The following AAK1 variants were observed in gnomAD, a reference collection of about 807,000 sequenced individuals.
The protein encoded by AAK1 is AP2-associated protein kinase 1.
AAK1 carries 37 observed loss-of-function variants against 116.0 expected under a neutral mutation model. The ratio of observed to expected loss-of-function variants is 0.32; its 90% confidence interval spans 0.25 to 0.42. The LOEUF (loss-of-function observed/expected upper bound fraction) is 0.42, where lower values mean the gene tolerates loss of function less well. Ranked by LOEUF, AAK1 falls within the 10% of genes least tolerant of loss-of-function variation. The pLI is 1.00. For missense variants in AAK1, 919 were observed against 1,170.6 expected (o/e 0.79, Z 3.14); for synonymous variants, 458 against 439.9 (o/e 1.04, Z -0.51).
rs545412199 is a variant in AAK1 at position 69,466,084 on chromosome 2, T to C, written c.*9785A>G. 460 of 1,290,892 alleles carry C rather than the reference T, an allele frequency of 3.6e-4. No individual in the cohort carries two copies. Among genetic ancestry groups the C allele is most frequent in the Non-Finnish European group, 2.1e-4 (206 of 988,864 alleles). 80.0% of individuals were successfully genotyped at this position (1,290,892 alleles called of 1,614,324 possible). The stretch of plus-strand genomic sequence containing the variant: ...TTGGAGAAAATGTCCATGTCATCAT[T>C]TGGAACCCTTGAGCTCCTGAAGGGA... On this transcript the variant is annotated 3_prime_UTR_variant, in exon 22 of 22. Transcript: ENST00000409085.
intron 2 of AAK1, among the ~76,000 whole-genome samples, chr2:69,592,440 G>A (rs917584804): frequency 5.3e-5 from 8 of 151,984 alleles, no homozygotes; most frequent in South Asian, 2.1e-4. Flanking sequence ...CCACAACAGC[G>A]GTCTATTCAA....
chr2:69,496,118 GA>G (rs1558909503), intron 16 of AAK1, 38 bp from the exon 17 acceptor site: 4 of 1,433,884 alleles, frequency 2.8e-6, no homozygotes, highest in Non-Finnish European at 3.8e-6. Context: ...AGTCAGGAGA[GA>G]AAAAAAGAGA....
At chr2:69,507,338 T>TAA in intron 15 of AAK1, 83 bp downstream of exon 15, 2 of 1,500,732 alleles carry the variant, frequency 1.3e-6, no homozygotes, top group Non-Finnish European at 1.8e-6. Context: ...CTTCTAGAGT[T>TAA]ACGATTCTTT....
chr2:69,643,344 G>A lies in AAK1; in HGVS notation c.-234-70C>T, dbSNP rs373862558. 2.3e-5 allele frequency: 28 copies of A among 1,237,944 alleles called. 1 individual carries two copies. In the Admixed American group the frequency reaches 1.0e-3, roughly 44 times the overall value. 76.7% of individuals were successfully genotyped at this position (1,237,944 alleles called of 1,614,324 possible). On this transcript the variant is annotated intron_variant, in intron 1 of 21. Coordinates refer to ENST00000409085, the MANE Select transcript of AAK1 (RefSeq NM_014911.5). ...TTAAAAATTCAACCGCTGAGTCCTA[G>A]GGGGAGCAAAAGCCATCATCCTGGG...
chr2:69,519,197 T>C lies in AAK1; in HGVS notation c.1254A>G (p.Pro418=). The C allele has an allele frequency of 6.3e-7, 1 of 1,588,568 alleles. No homozygotes were observed. Among genetic ancestry groups the C allele is most frequent in the Non-Finnish European group, 8.6e-7 (1 of 1,167,706 alleles). Residue 418 remains proline (P), a synonymous_variant, in exon 12 of 22, where the codon CCA becomes CCG. Transcript: ENST00000409085. The part of the protein sequence containing the change: ...QPGLLASVPQ[P]KPQAPPSQPL... ...GCTGGCTGGGTGGGGCTTGGGGTTTTGGTTGGGGAACACTGGCTAAAAGGC... is the reference window on the plus strand; with the variant it reads ...GCTGGCTGGGTGGGGCTTGGGGTTTCGGTTGGGGAACACTGGCTAAAAGGC...
intron 2 of AAK1, among the ~76,000 whole-genome samples, chr2:69,576,614 C>T (rs1189885676): frequency 6.6e-6 from 1 of 152,124 alleles, no homozygotes; most frequent in Non-Finnish European, 1.5e-5. Context: ...TCTGTTCCTG[C>T]ATTAGTTTTA....
chr2:69,599,458 C>T (rs1357280911), intron 2 of AAK1, among the ~76,000 whole-genome samples: 1 of 150,534 alleles, frequency 6.6e-6, no homozygotes, highest in African/African-American at 2.4e-5. Flanking sequence ...GAAGATCCTT[C>T]ACGATGTTGC....
intron 12 of AAK1, among the ~76,000 whole-genome samples, chr2:69,515,692 A>T (rs1191146002): frequency 6.6e-6 from 1 of 152,180 alleles, no homozygotes; most frequent in Non-Finnish European, 1.5e-5. Flanking sequence ...ACACAAACAG[A>T]GCTCAAAATA....
intron 2 of AAK1, among the ~76,000 whole-genome samples, chr2:69,564,379 A>G (rs2105102745): frequency 6.6e-6 from 1 of 152,150 alleles, no homozygotes; most frequent in East Asian, 1.9e-4. Flanking sequence ...CCTTCAAAGT[A>G]GCTCTACTTT....
At chr2:69,533,679 T>G (rs1670349362) in intron 5 of AAK1, among the ~76,000 whole-genome samples, 1 of 152,208 alleles carries the variant, frequency 6.6e-6, no homozygotes, top group Admixed American at 6.6e-5. Flanking sequence ...GATCTGGGTT[T>G]AAAGTCTATT....
At chr2:69,640,422 T>C (rs1345623612) in intron 2 of AAK1, among the ~76,000 whole-genome samples, 1 of 152,138 alleles carries the variant, frequency 6.6e-6, no homozygotes, top group Non-Finnish European at 1.5e-5. Flanking sequence ...AAAGAACAGA[T>C]CCAGAATTTG....
At position 69,465,735 on chromosome 2, in the gene AAK1, T is replaced by A. The variant is rs1227576056; in HGVS notation, c.*10134A>T. The A allele has an allele frequency of 7.7e-7, 1 of 1,290,890 alleles. No homozygotes were observed. Among genetic ancestry groups the A allele is most frequent in the South Asian group, 1.2e-5 (1 of 81,024 alleles). The allele number at this position is 1,290,890 out of a possible 1,614,324, so 80.0% of individuals were successfully genotyped here. A position where few individuals can be genotyped will look rare whatever the true frequency, so the allele number is the denominator to read the frequency against. ...TCTGTCATTAGAATGACCCCCAGAT[T>A]CCAGGCAGGATCCCCTGGGAGAGAT... On this transcript the variant is annotated 3_prime_UTR_variant, in exon 22 of 22. Coordinates refer to ENST00000409085, the MANE Select transcript of AAK1 (RefSeq NM_014911.5).
chr2:69,556,373 A>G (rs1201829237), intron 3 of AAK1, among the ~76,000 whole-genome samples: 1 of 152,182 alleles, frequency 6.6e-6, no homozygotes. Flanking sequence ...CTAGGTTTCC[A>G]GGCCAAAAAA....
At chr2:69,538,032 C>T (rs1227676590) in intron 5 of AAK1, among the ~76,000 whole-genome samples, 1 of 152,220 alleles carries the variant, frequency 6.6e-6, no homozygotes, top group Non-Finnish European at 1.5e-5. Flanking sequence ...AATCAGCTCT[C>T]CTTATCTGCA....
intron 12 of AAK1, among the ~76,000 whole-genome samples, chr2:69,518,449 T>C (rs13397599): frequency 0.2 from 29,169 of 148,912 alleles, 4,114 homozygotes; most frequent in African/African-American, 0.38. Context: ...GACAGAGTCT[T>C]GCTCTTGTTG....
intron 18 of AAK1, chr2:69,481,741 T>TA (rs1423801065): frequency 6.6e-6 from 1 of 152,194 alleles, no homozygotes; most frequent in Non-Finnish European, 1.5e-5. Flanking sequence ...GGATTCTATT[T>TA]ATGGGGCTTA....
chr2:69,462,076 A>C lies in AAK1; in HGVS notation c.*13793T>G, dbSNP rs1674354089. 1 of 152,296 alleles carries C rather than the reference A, an allele frequency of 6.6e-6. No homozygotes were observed. The highest frequency in any genetic ancestry group is 1.5e-5 in the Non-Finnish European group (1 of 68,234). 9.4% of individuals were successfully genotyped at this position (152,296 alleles called of 1,614,324 possible). A position where few individuals can be genotyped will look rare whatever the true frequency, so the allele number is the denominator to read the frequency against. On this transcript the variant is annotated 3_prime_UTR_variant, in exon 22 of 22. Coordinates refer to ENST00000409085, the MANE Select transcript of AAK1 (RefSeq NM_014911.5). ...TGGGCTGTTACAGAGATAATCCTGAATATTTGGAAAGGGGAATTAGAATGA... is the reference window on the plus strand; with the variant it reads ...TGGGCTGTTACAGAGATAATCCTGACTATTTGGAAAGGGGAATTAGAATGA...
At chr2:69,558,116 G>C (rs1002845754) in intron 2 of AAK1, among the ~76,000 whole-genome samples, 1 of 152,142 alleles carries the variant, frequency 6.6e-6, no homozygotes, top group African/African-American at 2.4e-5. Context: ...GCTGAAGCAG[G>C]CAGATCGCTT....
Position 69,470,951 on chromosome 2 carries a change from C to G in AAK1, c.*4918G>C. The G allele has an allele frequency of 1.0e-6, 1 of 985,840 alleles. No individual in the cohort carries two copies. Among genetic ancestry groups the G allele is most frequent in the Non-Finnish European group, 1.2e-6 (1 of 829,916 alleles). The allele number at this position is 985,840 out of a possible 1,614,324, so 61.1% of individuals were successfully genotyped here. On this transcript the variant is annotated 3_prime_UTR_variant, in exon 22 of 22. Coordinates refer to ENST00000409085, the MANE Select transcript of AAK1 (RefSeq NM_014911.5). ...TGAACAGATAAAAGTCTTTATTCCC[C>G]TGTATGTTTACATAAGAAAGTTCTT...
Sources: allele counts gnomAD v4.1 joint callset (sites outside exome capture counted in the v4.1 genomes callset), GRCh38; gene constraint gnomAD v4.1.1; transcripts MANE v1.5; gene names NCBI Gene and HGNC (gene_info 2026-07-23, HGNC 2026-07-21).